EML2: variants seen among roughly 807,000 people sequenced by gnomAD.
The protein encoded by EML2 is EMAP like 2.
Under a neutral mutation model 84.7 loss-of-function variants are expected in EML2, and 59 were observed. The ratio of observed to expected loss-of-function variants is 0.70; its 90% CI spans 0.56 to 0.86. EML2 has a LOEUF of 0.86. Among genes scored for constraint, EML2 ranks in the 40% least tolerant of loss-of-function variants. EML2 has a pLI of 0.00. For synonymous variants in EML2, 352 were observed against 348.9 expected, an observed-to-expected ratio of 1.01 and a Z score of -0.10; for missense variants, 818 against 855.6, an observed-to-expected ratio of 0.96 and a Z score of 0.55.
intron 12 of EML2, 139 bp downstream of exon 12, chr19:45,618,921 T>G: frequency 1.0e-6 from 1 of 989,004 alleles, no homozygotes; most frequent in Non-Finnish European, 1.4e-6. Context: ...CCCTCCAGCC[T>G]GGGTGACAGA....
intron 3 of EML2, among the ~76,000 whole-genome samples, chr19:45,637,625 G>A (rs1272299088): frequency 1.3e-5 from 2 of 148,524 alleles, no homozygotes; most frequent in African/African-American, 5.0e-5. Flanking sequence ...AACCACAGGA[G>A]CATGCCACCA....
intron 14 of EML2, 31 bp from the exon 15 acceptor site, chr19:45,616,589 G>A: frequency 3.9e-6 from 6 of 1,554,904 alleles, no homozygotes; most frequent in Admixed American, 1.7e-5. Flanking sequence ...CTATGAGGAG[G>A]CACCCAGGCT....
intron 9 of EML2, among the ~76,000 whole-genome samples, chr19:45,622,099 C>T (rs1600122444): frequency 6.6e-6 from 1 of 152,092 alleles, no homozygotes; most frequent in African/African-American, 2.4e-5. Context: ...AAGCACCTGC[C>T]ACCTACCCAC....
At chr19:45,632,713 G>T in intron 6 of EML2, 148 bp downstream of exon 6, 1 of 683,058 alleles carries the variant, frequency 1.5e-6, no homozygotes, top group Non-Finnish European at 2.5e-6. Context: ...CTTGGGGTGA[G>T]GACACGCCCT....
chr19:45,629,808 G>T, intron 7 of EML2, 143 bp downstream of exon 7: 1 of 655,218 alleles, frequency 1.5e-6, no homozygotes, highest in Non-Finnish European at 2.8e-6. Flanking sequence ...GAGGTGGCAA[G>T]CGGCTTGCTC....
At chr19:45,643,828 C>T, upstream of EML2, 1 of 1,385,906 alleles carries the variant, frequency 7.2e-7, no homozygotes, top group Middle Eastern at 2.6e-4. Context: ...GGTGCCTGGA[C>T]CTGCAGAGGG....
intron 3 of EML2, 57 bp downstream of exon 3, chr19:45,638,448 C>A: frequency 6.2e-7 from 1 of 1,611,340 alleles, no homozygotes. Flanking sequence ...CCTTGACCGC[C>A]TTTCTATTTC....
chr19:45,639,499 C>A (rs914308318), upstream of EML2: 7 of 1,039,746 alleles, frequency 6.7e-6, no homozygotes, highest in Non-Finnish European at 8.7e-6. Flanking sequence ...CCCCTGGAGC[C>A]GGAGGGTCCC....
At chr19:45,613,425 TACAG>T in intron 18 of EML2, 112 bp downstream of exon 18, 1 of 1,311,636 alleles carries the variant, frequency 7.6e-7, no homozygotes, top group Admixed American at 2.0e-5. Context: ...GTCCTCCTTG[TACAG>T]ATGGGGAAAC....
At chr19:45,626,409 T>G (rs1972333874) in intron 8 of EML2, among the ~76,000 whole-genome samples, 1 of 108,968 alleles carries the variant, frequency 9.2e-6, no homozygotes, top group East Asian at 3.1e-4. Flanking sequence ...TTTTTTTTTC[T>G]GAGATAGGGT....
intron 16 of EML2, 179 bp from the exon 17 acceptor site, chr19:45,614,879 C>T (rs1209604063): frequency 5.4e-6 from 3 of 556,108 alleles, no homozygotes; most frequent in East Asian, 3.1e-5. Context: ...CAGCCCGCAG[C>T]GTAAGCAGGA....
intron 16 of EML2, among the ~76,000 whole-genome samples, chr19:45,615,548 A>ATAATAATAATAATAAT (rs1970946204): frequency 6.8e-6 from 1 of 147,966 alleles, no homozygotes; most frequent in Non-Finnish European, 1.5e-5. Flanking sequence ...AATAATAATA[A>ATAATAATAATAATAAT]TAATAATTAA....
At position 45,624,804 on chromosome 19, in the gene EML2, C is replaced by T. The variant is rs779259012; in HGVS notation, c.756G>A (p.Pro252=). The part of the protein sequence containing the change: ...RQGLFEKHEK[P]KYVLCVTFLE... ...AAAAGGTCACACACAGCACATACTT[C>T]GGTTTCTCATGTTTCTAAGGTGGGG... Residue 252 remains proline (P), a synonymous_variant, in exon 9 of 19, where the codon CCG becomes CCA. Transcript: ENST00000245925. The T allele has an allele frequency of 1.2e-5, 20 of 1,612,600 alleles. No homozygotes were observed. Among genetic ancestry groups the T allele is most frequent in the Admixed American group, 6.7e-5 (4 of 59,788 alleles).
chr19:45,613,626 G>A lies in EML2; in HGVS notation c.1739C>T (p.Ala580Val), dbSNP rs772014629. The change falls in exon 18 of 19, where the codon GCC (alanine) becomes GTC (valine). Residue 580 changes from alanine (A) to valine (V), a missense_variant. Physicochemically the swap from Ala to Val is moderately conservative, Grantham distance 64. Coordinates refer to ENST00000245925, the MANE Select transcript of EML2 (RefSeq NM_012155.4). The part of the protein sequence containing the change: ...GADGTDINAV[A>V]RSHDGKLLAS... ...CAGCAACTTCCCATCATGAGAGCGG[G>A]CCACAGCGTTGATATCAGTGCCGTC... The A allele has an allele frequency of 1.2e-6, 2 of 1,614,072 alleles. No individual in the cohort carries two copies. Among genetic ancestry groups the A allele is most frequent in the East Asian group, 2.2e-5 (1 of 44,876 alleles).
chr19:45,642,643 C>A, upstream of EML2: 2 of 766,588 alleles, frequency 2.6e-6, no homozygotes, highest in Middle Eastern at 3.5e-4. Context: ...AACCCAGGAG[C>A]CTCTCGCTCT....
intron 6 of EML2, 142 bp downstream of exon 6, chr19:45,632,719 G>T: frequency 2.9e-6 from 2 of 698,262 alleles, no homozygotes; most frequent in Non-Finnish European, 4.8e-6. Flanking sequence ...GTGAGGACAC[G>T]CCCTCATTGT....
At chr19:45,636,870 C>T (rs1020734425) in intron 3 of EML2, among the ~76,000 whole-genome samples, 1 of 152,250 alleles carries the variant, frequency 6.6e-6, no homozygotes, top group African/African-American at 2.4e-5. Context: ...TGGCTTGAAC[C>T]CAGGAGGTGG....
At chr19:45,618,656 G>T (rs550328885) in intron 12 of EML2, among the ~76,000 whole-genome samples, 1 of 152,158 alleles carries the variant, frequency 6.6e-6, no homozygotes, top group Admixed American at 6.6e-5. Flanking sequence ...TGCTTAAAAA[G>T]ACCTTGTTTG....
At chr19:45,615,736 C>T (rs1003257743) in intron 16 of EML2, 66 bp downstream of exon 16, 3 of 1,430,092 alleles carry the variant, frequency 2.1e-6, no homozygotes, top group Admixed American at 3.4e-5. Context: ...CCCTCCCCTC[C>T]CAGAACTCAG....
Sources: allele counts gnomAD v4.1 joint callset (sites outside exome capture counted in the v4.1 genomes callset), GRCh38; gene constraint gnomAD v4.1.1; transcripts MANE v1.5; gene names NCBI Gene and HGNC (gene_info 2026-07-23, HGNC 2026-07-21).